The following DGKI variants were observed in gnomAD, a reference collection of about 807,000 sequenced individuals.
DGKI encodes diacylglycerol kinase iota.
Under a neutral mutation model 147.5 loss-of-function variants are expected in DGKI, and 55 were observed. That is an observed-to-expected ratio of 0.37 (90% CI 0.30 to 0.47). The LOEUF (loss-of-function observed/expected upper bound fraction) is 0.47, where lower values mean the gene tolerates loss of function less well. Ranked by LOEUF, DGKI falls within the 20% of genes least tolerant of loss-of-function variation. DGKI has a pLI of 1.00. For synonymous variants in DGKI, 469 were observed against 477.1 expected (o/e 0.98, Z 0.22); for missense variants, 1,007 against 1,323.8 (o/e 0.76, Z 3.71).
At chr7:137,692,581 C>T (rs1206363618) in intron 1 of DGKI, among the ~76,000 whole-genome samples, 1 of 152,148 alleles carries the variant, frequency 6.6e-6, no homozygotes, top group Non-Finnish European at 1.5e-5. Context: ...ACCGCCAAAA[C>T]CCGGTTACTC....
intron 12 of DGKI, among the ~76,000 whole-genome samples, chr7:137,594,457 C>T (rs1043157234): frequency 1.3e-5 from 2 of 152,098 alleles, no homozygotes; most frequent in East Asian, 3.8e-4. Flanking sequence ...CTTTCTATAC[C>T]TTAAATAATA....
rs925396170 is a variant in DGKI at position 137,541,805 on chromosome 7, G to C, written c.2147+10564C>G. 2.0e-5 allele frequency among the ~76,000 whole-genome samples: 3 copies of C among 151,792 alleles called. No homozygotes were observed. The South Asian group carries it at 6.2e-4, about 32-fold the overall frequency. On this transcript the variant is annotated intron_variant, in intron 20 of 32. Transcript: ENST00000614521. ...AAAATAGAAAACCTATAAAACTTTA[G>C]GGAGAAAGCAAAGGAGAAAATATTC...
chr7:137,792,861 G>C (rs1796898020), intron 1 of DGKI, among the ~76,000 whole-genome samples: 1 of 152,200 alleles, frequency 6.6e-6, no homozygotes, highest in Non-Finnish European at 1.5e-5. Context: ...CAGAAGCCTA[G>C]CAGAGGCTGG....
chr7:137,412,815 G>C (rs1414175420), intron 28 of DGKI, among the ~76,000 whole-genome samples: 1 of 152,136 alleles, frequency 6.6e-6, no homozygotes, highest in Non-Finnish European at 1.5e-5. Context: ...TTGTGTGCTT[G>C]AGAAAACAAC....
intron 19 of DGKI, among the ~76,000 whole-genome samples, chr7:137,569,524 C>T (rs774803098): frequency 3.4e-4 from 52 of 151,610 alleles, no homozygotes; most frequent in Non-Finnish European, 3.7e-4. Flanking sequence ...GTCAGGAGAT[C>T]GAGACCATCC....
intron 20 of DGKI, among the ~76,000 whole-genome samples, chr7:137,526,464 T>G (rs1246806030): frequency 6.6e-6 from 1 of 151,742 alleles, no homozygotes; most frequent in Admixed American, 6.6e-5. Context: ...GAGATCCTTA[T>G]GCAGAATGGA....
intron 1 of DGKI, among the ~76,000 whole-genome samples, chr7:137,802,690 T>A (rs1358071206): frequency 2.0e-5 from 3 of 152,196 alleles, no homozygotes; most frequent in Non-Finnish European, 4.4e-5. Context: ...CAGAGTAAAT[T>A]TCTTATTAGT....
At chr7:137,726,152 A>C (rs1163173716) in intron 1 of DGKI, among the ~76,000 whole-genome samples, 1 of 152,122 alleles carries the variant, frequency 6.6e-6, no homozygotes. Context: ...CCTCTCAGGC[A>C]ATGGTCCTTT....
rs151049209 is a variant in DGKI, at chr7:137,818,530, C to T, written c.401+27932G>A. Among the ~76,000 whole-genome samples, 955 of 152,274 alleles carry T rather than the reference C, an allele frequency of 6.3e-3. 7 individuals are homozygous for T. Among genetic ancestry groups the T allele is most frequent in the African/African-American group, 0.02 (813 of 41,560 alleles). ...CAACCTCCGACTCCCAGGTTCAAGC[C>T]TCCCAAGTAGCTGGGATTCTCCTAC... On this transcript the variant is annotated intron_variant, in intron 1 of 32. Transcript: ENST00000614521.
At chr7:137,483,092 C>G (rs1030226850) in intron 23 of DGKI, among the ~76,000 whole-genome samples, 1 of 152,014 alleles carries the variant, frequency 6.6e-6, no homozygotes, top group Admixed American at 6.6e-5. Flanking sequence ...AGTGTTATTA[C>G]CAAACAATAC....
intron 1 of DGKI, among the ~76,000 whole-genome samples, chr7:137,725,500 GC>G (rs1292934736): frequency 6.6e-6 from 1 of 151,830 alleles, no homozygotes; most frequent in Non-Finnish European, 1.5e-5. Flanking sequence ...AGACGATAAA[GC>G]CTTGGGGCTT....
intron 28 of DGKI, among the ~76,000 whole-genome samples, chr7:137,423,662 G>C (rs1812667997): frequency 6.6e-6 from 1 of 152,030 alleles, no homozygotes; most frequent in African/African-American, 2.4e-5. Flanking sequence ...GTAATATAAA[G>C]GCTTTTTAAA....
chr7:137,517,540 A>G (rs947152902), intron 21 of DGKI, among the ~76,000 whole-genome samples: 6 of 152,116 alleles, frequency 3.9e-5, no homozygotes, highest in African/African-American at 9.7e-5. Context: ...GAAATTCCAA[A>G]GGTTTAGTTA....
chr7:137,826,002 C>T (rs1228182429), intron 1 of DGKI, among the ~76,000 whole-genome samples: 2 of 152,192 alleles, frequency 1.3e-5, no homozygotes, highest in East Asian at 1.9e-4. Flanking sequence ...GTAGTCTCCA[C>T]ATTATTAACA....
intron 1 of DGKI, among the ~76,000 whole-genome samples, chr7:137,817,864 C>A (rs1386589289): frequency 6.6e-6 from 1 of 152,218 alleles, no homozygotes; most frequent in Non-Finnish European, 1.5e-5. Flanking sequence ...TATTCCTATG[C>A]ATATGTGTCC....
intron 5 of DGKI, among the ~76,000 whole-genome samples, chr7:137,649,228 C>T (rs181209814): frequency 3.9e-5 from 6 of 152,124 alleles, no homozygotes; most frequent in African/African-American, 9.7e-5. Context: ...TTGCCTTCAT[C>T]GATAAGGAAA....
chr7:137,716,282 A>G (rs545705355), intron 1 of DGKI, among the ~76,000 whole-genome samples: 1 of 152,360 alleles, frequency 6.6e-6, no homozygotes, highest in East Asian at 1.9e-4. Context: ...CGTTCATGAA[A>G]AGACTCATTG....
chr7:137,647,626 A>G (rs1821875671), intron 5 of DGKI, among the ~76,000 whole-genome samples: 1 of 152,190 alleles, frequency 6.6e-6, no homozygotes, highest in Non-Finnish European at 1.5e-5. Context: ...TAACCTGCCC[A>G]GTTATCAGTA....
At chr7:137,561,334 A>T (rs956742200) in intron 19 of DGKI, among the ~76,000 whole-genome samples, 1 of 152,210 alleles carries the variant, frequency 6.6e-6, no homozygotes, top group Admixed American at 6.5e-5. Flanking sequence ...TAACCACCAC[A>T]CATTCTCGTT....
Sources: allele counts gnomAD v4.1 joint callset (sites outside exome capture counted in the v4.1 genomes callset), GRCh38; gene constraint gnomAD v4.1.1; transcripts MANE v1.5; gene names NCBI Gene and HGNC (gene_info 2026-07-23, HGNC 2026-07-21).